The following DOCK10 variants were observed in gnomAD, a reference collection of about 807,000 sequenced individuals.
DOCK10 encodes the protein dedicator of cytokinesis 10.
Under a neutral mutation model 280.1 loss-of-function variants are expected in DOCK10, and 145 were observed. The ratio of observed to expected loss-of-function variants is 0.52; its 90% confidence interval spans 0.45 to 0.59. DOCK10 has a LOEUF of 0.59. Among genes scored for constraint, DOCK10 ranks in the 20% least tolerant of loss-of-function variants. The pLI is 0.00. For synonymous variants in DOCK10, 915 were observed against 942.2 expected, an observed-to-expected ratio of 0.97 and a Z score of 0.53; for missense variants, 2,368 against 2,651.7, an observed-to-expected ratio of 0.89 and a Z score of 2.35.
chr2:224,881,563 C>G lies in DOCK10; in HGVS notation c.747+4108G>C, dbSNP rs1258051624. ...TTGGGCATCTGTCTGTAATTTTGGA[C>G]ATTCCTCTGCCTCAAGTTAAACTTT... On this transcript the variant is annotated intron_variant, in intron 7 of 55. Coordinates refer to ENST00000258390, the MANE Select transcript of DOCK10 (RefSeq NM_014689.3). Among the ~76,000 whole-genome samples, 3 of 152,266 alleles carry G rather than the reference C, an allele frequency of 2.0e-5. No homozygotes were observed. In the East Asian group the frequency reaches 5.8e-4, roughly 29 times the overall value.
At chr2:224,999,890 T>G (rs956843098) in intron 1 of DOCK10, among the ~76,000 whole-genome samples, 1 of 152,130 alleles carries the variant, frequency 6.6e-6, no homozygotes, top group African/African-American at 2.4e-5. Flanking sequence ...TGCCAAGAGC[T>G]TGGAAAAGCT....
At chr2:224,946,363 G>C (rs1266866909) in intron 1 of DOCK10, among the ~76,000 whole-genome samples, 1 of 151,968 alleles carries the variant, frequency 6.6e-6, no homozygotes. Flanking sequence ...TTAATCAAAT[G>C]CTTATTTACT....
intron 16 of DOCK10, 72 bp downstream of exon 16, chr2:224,854,890 AC>A: frequency 8.1e-7 from 1 of 1,232,088 alleles, no homozygotes; most frequent in East Asian, 2.6e-5. Context: ...CAACCAACCA[AC>A]CAACCAAAAC....
chr2:224,971,237 G>GC (rs1453250076), intron 1 of DOCK10, among the ~76,000 whole-genome samples: 1 of 152,158 alleles, frequency 6.6e-6, no homozygotes, highest in Non-Finnish European at 1.5e-5. Flanking sequence ...AAATGCCACT[G>GC]CAAGAGATCC....
intron 1 of DOCK10, among the ~76,000 whole-genome samples, chr2:225,025,206 A>G (rs1689888159): frequency 6.6e-6 from 1 of 152,178 alleles, no homozygotes; most frequent in Admixed American, 6.5e-5. Flanking sequence ...AATTCTGAGT[A>G]AGAATCGTGA....
At chr2:224,788,116 T>C (rs1218875293) in intron 48 of DOCK10, among the ~76,000 whole-genome samples, 1 of 152,164 alleles carries the variant, frequency 6.6e-6, no homozygotes, top group African/African-American at 2.4e-5. Context: ...CCCCTTCTGA[T>C]TGCAACTGTA....
chr2:224,875,437 C>T (rs1226401266), intron 8 of DOCK10, among the ~76,000 whole-genome samples: 1 of 152,176 alleles, frequency 6.6e-6, no homozygotes, highest in African/African-American at 2.4e-5. Context: ...TATGTAGCTA[C>T]AGACTTGCTT....
Position 224,786,612 on chromosome 2 carries a change from G to C in DOCK10, c.5655+410C>G, listed in dbSNP as rs1423374205. 6.6e-6 allele frequency among the ~76,000 whole-genome samples: 1 copy of C among 152,194 alleles called. No individual in the cohort carries two copies. The highest frequency in any genetic ancestry group is 6.5e-5 in the Admixed American group (1 of 15,278). On this transcript the variant is annotated intron_variant, in intron 50 of 55. Coordinates refer to ENST00000258390, the MANE Select transcript of DOCK10 (RefSeq NM_014689.3). The surrounding 1 kb of genome is among the most constrained non-coding windows in gnomAD (Gnocchi z 4.7). The stretch of plus-strand genomic sequence containing the variant: ...TGTGTGATAGTAAAATCAAAGGTTT[G>C]ATATGGTGGAGCCCCTAGGAATTCT...
chr2:224,836,714 C>T (rs1341675920), intron 25 of DOCK10, among the ~76,000 whole-genome samples: 1 of 152,004 alleles, frequency 6.6e-6, no homozygotes, highest in African/African-American at 2.4e-5. Context: ...ATTCTGCAGC[C>T]TCAGCCTCCC....
chr2:224,921,695 C>T (rs966849900), intron 2 of DOCK10, among the ~76,000 whole-genome samples: 1 of 152,178 alleles, frequency 6.6e-6, no homozygotes, highest in African/African-American at 2.4e-5. Context: ...ATCTAATATC[C>T]TGTGCAGGTT....
chr2:224,765,714 A>C lies in DOCK10; in HGVS notation c.*7T>G. On this transcript the variant is annotated 3_prime_UTR_variant, in exon 56 of 56. Transcript: ENST00000258390. ...CTCTTAGAGGTGGGTCTGATGCTGC[A>C]GAGCCCTCAGACTTCAGCACTAGAT... 6.3e-7 allele frequency: 1 copy of C among 1,588,934 alleles called. No homozygotes were observed. Among genetic ancestry groups the C allele is most frequent in the Non-Finnish European group, 8.6e-7 (1 of 1,158,216 alleles).
intron 1 of DOCK10, among the ~76,000 whole-genome samples, chr2:225,000,135 G>A (rs1575157883): frequency 6.6e-6 from 1 of 151,938 alleles, no homozygotes. Flanking sequence ...TGAGTCTTCC[G>A]AAGCCACAAA....
At chr2:224,937,454 A>G (rs1027880258) in intron 1 of DOCK10, among the ~76,000 whole-genome samples, 1 of 152,202 alleles carries the variant, frequency 6.6e-6, no homozygotes, top group Non-Finnish European at 1.5e-5. Flanking sequence ...CAAACCAACT[A>G]CAATGAATTC....
chr2:224,800,647 C>T (rs1017677131), intron 40 of DOCK10, among the ~76,000 whole-genome samples: 1 of 152,134 alleles, frequency 6.6e-6, no homozygotes, highest in South Asian at 2.1e-4. Flanking sequence ...GTGTCTTTAT[C>T]GGTTAAGGCA....
chr2:224,905,359 T>G (rs1700557135), intron 3 of DOCK10, among the ~76,000 whole-genome samples: 1 of 149,904 alleles, frequency 6.7e-6, no homozygotes, highest in Non-Finnish European at 1.5e-5. Flanking sequence ...GCCATTCTCC[T>G]GCCTCAGCCT....
chr2:224,963,195 C>A (rs1291773442), intron 1 of DOCK10, among the ~76,000 whole-genome samples: 1 of 152,132 alleles, frequency 6.6e-6, no homozygotes, highest in African/African-American at 2.4e-5. Flanking sequence ...GGCCTGCTGG[C>A]ATGGAGTCTG....
At chr2:224,935,685 C>G (rs974763185) in intron 1 of DOCK10, among the ~76,000 whole-genome samples, 1 of 152,112 alleles carries the variant, frequency 6.6e-6, no homozygotes, top group African/African-American at 2.4e-5. Context: ...AGAGCCCACA[C>G]GTAAAATCCT....
rs879598680 is a variant in DOCK10 at position 224,886,886 on chromosome 2, A to ACCCC, written c.417-356_417-355insGGGG. On this transcript the variant is annotated intron_variant, in intron 4 of 55. Transcript: ENST00000258390. ...TCTCATGCTGCATGCAGCACCCCCA[A>ACCCC]CACCCCCCCAAGTAGTACCTGGGAT... Among the ~76,000 whole-genome samples, 1,175 of 134,894 alleles carry ACCCC rather than the reference A, an allele frequency of 8.7e-3. 63 individuals carry two copies. The highest frequency in any genetic ancestry group is 0.033 in the African/African-American group (1,071 of 32,662). The allele number at this position is 134,894 out of a possible 152,430, so 88.5% of individuals were successfully genotyped here. A position where few individuals can be genotyped will look rare whatever the true frequency, so the allele number is the denominator to read the frequency against.
intron 22 of DOCK10, among the ~76,000 whole-genome samples, chr2:224,842,686 G>A (rs753762195): frequency 2.6e-4 from 40 of 151,952 alleles, no homozygotes; most frequent in Non-Finnish European, 4.7e-4. Context: ...TCATTGATTC[G>A]TCTATTTGCT....
Sources: gnomAD v4.1 joint callset for allele counts (sites outside exome capture counted in the v4.1 genomes callset) on GRCh38, gnomAD v4.1.1 for gene constraint, Gnocchi (gnomAD v3.1) non-coding constraint, MANE v1.5 for transcripts, NCBI Gene and HGNC (gene_info 2026-07-23, HGNC 2026-07-21) for gene names.